The following SMARCA4 variants were observed in gnomAD, a reference collection of about 807,000 sequenced individuals.
SMARCA4 encodes the protein SWI/SNF-related matrix-associated actin-dependent regulator of chromatin subfamily A member 4.
In SMARCA4, 31 loss-of-function variants were observed where a neutral mutation model predicts 193.9. That is an observed-to-expected ratio of 0.16 (90% CI 0.12 to 0.22). The LOEUF (loss-of-function observed/expected upper bound fraction) is 0.22, where lower values mean the gene tolerates loss of function less well. Among genes scored for constraint, SMARCA4 ranks in the 10% least tolerant of loss-of-function variants. The pLI is 1.00. For synonymous variants in SMARCA4, 942 were observed against 933.1 expected (o/e 1.01, Z -0.17); for missense variants, 1,148 against 2,296.0 (o/e 0.50, Z 10.22).
At chr19:11,000,000 C>T (rs1020611302) in intron 11 of SMARCA4, among the ~76,000 whole-genome samples, 2 of 151,618 alleles carry the variant, frequency 1.3e-5, no homozygotes, top group Admixed American at 6.6e-5. Context: ...CCAAGGTGGG[C>T]GGATCACCTA....
At chr19:11,003,202 C>T (rs1467759828) in intron 12 of SMARCA4, 43 bp downstream of exon 12, 1 of 1,613,206 alleles carries the variant, frequency 6.2e-7, no homozygotes, top group Non-Finnish European at 8.5e-7. Flanking sequence ...GGATCCAAGT[C>T]CTCGGTGGGC....
intron 6 of SMARCA4, among the ~76,000 whole-genome samples, chr19:10,988,350 T>C (rs1157199429): frequency 6.6e-6 from 1 of 152,202 alleles, no homozygotes; most frequent in Non-Finnish European, 1.5e-5. Flanking sequence ...CTCGAGCTCC[T>C]GACCTCAGAT....
At chr19:10,995,093 T>C (rs2086900360) in intron 9 of SMARCA4, 92 bp downstream of exon 9, 2 of 1,226,084 alleles carry the variant, frequency 1.6e-6, no homozygotes, top group East Asian at 2.5e-5. Context: ...CGCCAAGGCA[T>C]TTCACAGCTC....
At chr19:11,012,890 G>A (rs2088988251) in intron 15 of SMARCA4, 59 bp from the exon 16 acceptor site, 13 of 1,554,266 alleles carry the variant, frequency 8.4e-6, no homozygotes, top group Non-Finnish European at 1.2e-5. Context: ...TGAAGTGGGA[G>A]GACCCTCTGG....
At chr19:11,009,978 T>C (rs538106607) in intron 14 of SMARCA4, among the ~76,000 whole-genome samples, 27 of 152,182 alleles carry the variant, frequency 1.8e-4, no homozygotes, top group African/African-American at 5.1e-4. Flanking sequence ...TGTAAGCCAC[T>C]GTGCCCAGCC....
chr19:10,995,033 C>A, intron 9 of SMARCA4, 32 bp downstream of exon 9: 3 of 1,579,412 alleles, frequency 1.9e-6, no homozygotes, highest in Non-Finnish European at 2.6e-6. Context: ...GTGCGCTCTT[C>A]TACATGTGTA....
At position 10,984,622 on chromosome 19, in the gene SMARCA4, C is replaced by T. The variant is rs2085855320; in HGVS notation, c.222+249C>T. Among the ~76,000 whole-genome samples the T allele has an allele frequency of 6.6e-6, 1 of 152,282 alleles. No individual in the cohort carries two copies. Among genetic ancestry groups the T allele is most frequent in the African/African-American group, 2.4e-5 (1 of 41,476 alleles). On this transcript the variant is annotated intron_variant, in intron 2 of 34. Coordinates refer to ENST00000344626, the MANE Select transcript of SMARCA4 (RefSeq NM_003072.5). This position sits in a 1 kb window ranked among gnomAD's most constrained non-coding sequence, Gnocchi z 4.3. ...TGCCCCACCGTTTCCCGCTCCCTTG[C>T]TTTCTGCATGTGAAATTTGGGAATA... is the stretch of plus-strand genomic sequence containing the variant.
intron 11 of SMARCA4, among the ~76,000 whole-genome samples, chr19:10,996,901 C>T (rs1288609337): frequency 6.6e-6 from 1 of 152,154 alleles, no homozygotes; most frequent in Non-Finnish European, 1.5e-5. Flanking sequence ...GACAGGGTCT[C>T]TCTGTCACCC....
rs1419954575 is a variant in SMARCA4, at chr19:11,047,477, T to C, written c.4424+5917T>C. ...AGGCTGGAGTGCAGTGGCACTATCT[T>C]GGCTCACTGTAACCTCTGCCTCCTG... On this transcript the variant is annotated intron_variant, in intron 30 of 34. Transcript: ENST00000344626. 3.3e-5 allele frequency: 5 copies of C among 151,934 alleles called. 1 individual carries two copies. The highest frequency in any genetic ancestry group is 4.2e-4 in the South Asian group (2 of 4,786). 9.4% of individuals were successfully genotyped at this position (151,934 alleles called of 1,614,324 possible).
chr19:11,023,475 C>T (rs1254000617), intron 19 of SMARCA4, 43 bp from the exon 20 acceptor site: 2 of 1,295,118 alleles, frequency 1.5e-6, no homozygotes, highest in African/African-American at 1.5e-5. Flanking sequence ...TGTCGCCCTC[C>T]TTTGGAGGTA....
chr19:10,972,101 G>A (rs191159255), intron 1 of SMARCA4, among the ~76,000 whole-genome samples: 59 of 151,962 alleles, frequency 3.9e-4, no homozygotes, highest in African/African-American at 1.2e-3. Context: ...CTGGGATTAC[G>A]GGCGCCTGCC....
chr19:11,019,631 G>A lies in SMARCA4; in HGVS notation c.2546G>A (p.Arg849Gln), dbSNP rs1213692147. Residue 849 changes from arginine (R) to glutamine (Q), a missense_variant, in exon 18 of 35, where the codon CGG (arginine) becomes CAG (glutamine). Coordinates refer to ENST00000344626, the MANE Select transcript of SMARCA4 (RefSeq NM_003072.5). The surrounding 1 kb of genome is among the most constrained non-coding windows in gnomAD (Gnocchi z 6.1). ...AARRAFVPQL[R>Q]SGKFNVLLTT... ...AGACGGGCCTTTGTCCCCCAGCTCC[G>A]GAGTGGGAAGTTCAACGTCTTGCTG... The A allele has an allele frequency of 6.2e-7, 1 of 1,613,378 alleles. No individual in the cohort carries two copies. The highest frequency in any genetic ancestry group is 8.5e-7 in the Non-Finnish European group (1 of 1,179,726).
At chr19:10,979,534 A>T (rs890046416) in intron 1 of SMARCA4, among the ~76,000 whole-genome samples, 14 of 144,422 alleles carry the variant, frequency 9.7e-5, no homozygotes, top group South Asian at 2.2e-4. Context: ...AAGCTAATTT[A>T]AAAAAAAAAA....
rs2146808782 is a variant in SMARCA4 at position 11,041,238 on chromosome 19, A to T, written c.4171-69A>T. The stretch of plus-strand genomic sequence containing the variant: ...TCCGTGTCCCAGCCCGGCCCCTGGG[A>T]TTGCGTCGCGGCCTCTGCTTGTCGA... On this transcript the variant is annotated intron_variant, in intron 29 of 34. Transcript: ENST00000344626. The surrounding 1 kb of genome is among the most constrained non-coding windows in gnomAD (Gnocchi z 5.6). 1 of 1,526,886 alleles carries T rather than the reference A, an allele frequency of 6.5e-7. No individual in the cohort carries two copies. The highest frequency in any genetic ancestry group is 8.8e-7 in the Non-Finnish European group (1 of 1,133,122). 94.6% of individuals were successfully genotyped at this position (1,526,886 alleles called of 1,614,324 possible).
At chr19:11,053,934 C>T (rs2076401116) in intron 30 of SMARCA4, among the ~76,000 whole-genome samples, 1 of 152,162 alleles carries the variant, frequency 6.6e-6, no homozygotes, top group Admixed American at 6.5e-5. Context: ...AAGAAACAGA[C>T]AATTCCTAGA....
chr19:11,060,214 A>G (rs2147128559), intron 34 of SMARCA4, 27 bp downstream of exon 34: 1 of 1,550,034 alleles, frequency 6.5e-7, no homozygotes, highest in East Asian at 2.4e-5. Context: ...GAGCAGGCAG[A>G]GCTGGCATGT....
rs1446962394 is a variant in SMARCA4 at position 11,041,772 on chromosome 19, G to C, written c.4424+212G>C. Among the ~76,000 whole-genome samples the C allele has an allele frequency of 6.6e-6, 1 of 152,150 alleles. No individual in the cohort carries two copies. The highest frequency in any genetic ancestry group is 2.4e-5 in the African/African-American group (1 of 41,430). ...CACATGTATCTGCGGTGATGAGAGG[G>C]AATGTCACATGTGGTCGAGAGGAGA... On this transcript the variant is annotated intron_variant, in intron 30 of 34. Coordinates refer to ENST00000344626, the MANE Select transcript of SMARCA4 (RefSeq NM_003072.5). The surrounding 1 kb of genome is among the most constrained non-coding windows in gnomAD (Gnocchi z 5.6).
chr19:10,977,298 C>T (rs375349829), intron 1 of SMARCA4, among the ~76,000 whole-genome samples: 3 of 151,888 alleles, frequency 2.0e-5, no homozygotes, highest in Non-Finnish European at 2.9e-5. Context: ...GGGGAGGCTG[C>T]GTTACGGACT....
intron 22 of SMARCA4, 27 bp from the exon 23 acceptor site, chr19:11,026,273 A>C (rs2146514240): frequency 6.2e-7 from 1 of 1,608,858 alleles, no homozygotes; most frequent in Non-Finnish European, 8.5e-7. Flanking sequence ...CCTGCCTGTC[A>C]CTGACCCCTC....
Sources: allele counts gnomAD v4.1 joint callset (sites outside exome capture counted in the v4.1 genomes callset), GRCh38; gene constraint gnomAD v4.1.1; non-coding constraint Gnocchi (gnomAD v3.1); transcripts MANE v1.5; gene names NCBI Gene and HGNC (gene_info 2026-07-23, HGNC 2026-07-21).